Variants in WASF3 observed in about 807,000 individuals in gnomAD.
WASF3 encodes WASP family member 3.
A neutral mutation model predicts 46.6 loss-of-function variants in WASF3; 11 were observed. The observed-to-expected ratio is 0.24, with a 90% confidence interval of 0.15 to 0.39. The LOEUF is 0.39. Among genes scored for constraint, WASF3 ranks in the 10% least tolerant of loss-of-function variants. The pLI, the probability that WASF3 is intolerant of heterozygous loss-of-function variation, is 1.00. For synonymous variants in WASF3, 242 were observed against 259.7 expected (o/e 0.93, Z 0.65); for missense variants, 576 against 669.8 (o/e 0.86, Z 1.55).
chr13:26,566,473 G>T (rs1362582014), intron 1 of WASF3, among the ~76,000 whole-genome samples: 4 of 152,358 alleles, frequency 2.6e-5, no homozygotes, highest in Non-Finnish European at 5.9e-5. Flanking sequence ...CGTGGTCAGT[G>T]TCTTAGACAT....
intron 1 of WASF3, among the ~76,000 whole-genome samples, chr13:26,560,067 C>T (rs1316205720): frequency 1.3e-5 from 2 of 152,004 alleles, no homozygotes; most frequent in Non-Finnish European, 2.9e-5. Flanking sequence ...GATCCGCCCA[C>T]CTCGGCCTCC....
At chr13:26,539,780 C>T in the WASF3 span, among the ~76,000 whole-genome samples, 54 of 152,282 alleles carry the variant, frequency 3.5e-4, 1 homozygote, top group South Asian at 1.0e-2. Flanking sequence ...TGCTTCACAT[C>T]GTGGGCCCAG....
At chr13:26,561,396 G>C (rs1879291032) in intron 1 of WASF3, among the ~76,000 whole-genome samples, 1 of 152,062 alleles carries the variant, frequency 6.6e-6, no homozygotes, top group Non-Finnish European at 1.5e-5. Context: ...TGGCTGGGTG[G>C]TTGGGTGATG....
the WASF3 span, among the ~76,000 whole-genome samples, chr13:26,548,230 CT>C: frequency 6.6e-6 from 1 of 152,174 alleles, no homozygotes; most frequent in Non-Finnish European, 1.5e-5. Flanking sequence ...TTCAAATTTA[CT>C]TTTTCTCCAG....
intron 1 of WASF3, among the ~76,000 whole-genome samples, chr13:26,595,584 T>C (rs967260079): frequency 2.6e-5 from 4 of 152,016 alleles, no homozygotes; most frequent in Non-Finnish European, 4.4e-5. Context: ...TAGATTCGTA[T>C]AACCGCTGCC....
At chr13:26,647,240 A>G (rs1882177689) in intron 3 of WASF3, among the ~76,000 whole-genome samples, 2 of 152,200 alleles carry the variant, frequency 1.3e-5, no homozygotes, top group African/African-American at 4.8e-5. Flanking sequence ...GGTTTGTCCA[A>G]TAATTTTTTT....
At chr13:26,553,887 A>G (rs1436170709), upstream of WASF3, among the ~76,000 whole-genome samples, 4 of 151,908 alleles carry the variant, frequency 2.6e-5, no homozygotes, top group Non-Finnish European at 5.9e-5. Flanking sequence ...GTGTAATTGG[A>G]TAAAGGTATA....
At position 26,651,939 on chromosome 13, in the gene WASF3, A is replaced by T. The variant is rs73168060; in HGVS notation, c.133+9536A>T. 8.9e-3 allele frequency among the ~76,000 whole-genome samples: 1,358 copies of T among 152,326 alleles called. 10 individuals carry two copies. The highest frequency in any genetic ancestry group is 0.017 in the Middle Eastern group (5 of 294). ...ATTTCTAGTAACCATCAAGAATAAC[A>T]TAGATATCAAATGAAATCCTAAAAT... is the stretch of plus-strand genomic sequence containing the variant. On this transcript the variant is annotated intron_variant, in intron 3 of 9. Coordinates refer to ENST00000335327, the MANE Select transcript of WASF3 (RefSeq NM_006646.6).
intron 4 of WASF3, among the ~76,000 whole-genome samples, 168 bp downstream of exon 4, chr13:26,665,330 C>T (rs1375968628): frequency 2.0e-5 from 3 of 152,116 alleles, no homozygotes; most frequent in South Asian, 2.1e-4. Flanking sequence ...TGTTAATTCA[C>T]GATGAAAAGA....
chr13:26,565,151 G>C (rs1488083173), intron 1 of WASF3, among the ~76,000 whole-genome samples: 1 of 145,988 alleles, frequency 6.8e-6, no homozygotes, highest in Non-Finnish European at 1.5e-5. Flanking sequence ...CTGTACTCCA[G>C]CCTGGGCAAA....
At chr13:26,594,135 T>G (rs1880388367) in intron 1 of WASF3, among the ~76,000 whole-genome samples, 1 of 152,214 alleles carries the variant, frequency 6.6e-6, no homozygotes, top group African/African-American at 2.4e-5. Context: ...TCAAAGGGCC[T>G]TTTTCTCCTG....
At chr13:26,659,622 G>A (rs1882565826) in intron 3 of WASF3, among the ~76,000 whole-genome samples, 1 of 152,166 alleles carries the variant, frequency 6.6e-6, no homozygotes, top group South Asian at 2.1e-4. Context: ...GGTTAGGGAG[G>A]TCGAGGTGAG....
chr13:26,675,499 C>T (rs1442985456), intron 6 of WASF3, among the ~76,000 whole-genome samples: 1 of 151,356 alleles, frequency 6.6e-6, no homozygotes, highest in East Asian at 1.9e-4. Context: ...CACACACACA[C>T]ACACACACAC....
chr13:26,557,851 C>G, intron 1 of WASF3, 32 bp downstream of exon 1: 1 of 302,726 alleles, frequency 3.3e-6, no homozygotes, highest in Non-Finnish European at 6.1e-6. Flanking sequence ...CCCGGCTCTC[C>G]GCTGTAGGCT....
chr13:26,646,482 A>G (rs1487252314), intron 3 of WASF3, among the ~76,000 whole-genome samples: 1 of 152,112 alleles, frequency 6.6e-6, no homozygotes, highest in East Asian at 1.9e-4. Context: ...CCAAATGAGA[A>G]TGGATCATCT....
chr13:26,653,218 C>T (rs1036234267), intron 3 of WASF3, among the ~76,000 whole-genome samples: 1 of 152,160 alleles, frequency 6.6e-6, no homozygotes, highest in Non-Finnish European at 1.5e-5. Context: ...CCTCAGGGTG[C>T]TTCCAGGATA....
chr13:26,592,905 A>G (rs763013118), intron 1 of WASF3, among the ~76,000 whole-genome samples: 9 of 152,154 alleles, frequency 5.9e-5, no homozygotes, highest in Non-Finnish European at 1.3e-4. Context: ...TTCTGTAATG[A>G]TACACAACTT....
At position 26,682,046 on chromosome 13, in the gene WASF3, T is replaced by A. The variant is rs981749375; in HGVS notation, c.984-561T>A. On this transcript the variant is annotated intron_variant, in intron 8 of 9. Coordinates refer to ENST00000335327, the MANE Select transcript of WASF3 (RefSeq NM_006646.6). The surrounding 1 kb of genome is among the most constrained non-coding windows in gnomAD (Gnocchi z 4.4). ...GCCAAGTCAGGATCCCCAGAGTGGCTTGAGGCTGTGTCAGGCCAAGAGAGG... is the reference window on the plus strand; with the variant it reads ...GCCAAGTCAGGATCCCCAGAGTGGCATGAGGCTGTGTCAGGCCAAGAGAGG... Among the ~76,000 whole-genome samples, 3 of 152,184 alleles carry A rather than the reference T, an allele frequency of 2.0e-5. No homozygotes were observed. Among genetic ancestry groups the A allele is most frequent in the Non-Finnish European group, 4.4e-5 (3 of 68,034 alleles).
rs970326688 is a variant in WASF3 at position 26,671,214 on chromosome 13, T to C, written c.423-658T>C. Among the ~76,000 whole-genome samples, 7 of 152,360 alleles carry C rather than the reference T, an allele frequency of 4.6e-5. No homozygotes were observed. The East Asian group carries it at 5.8e-4, about 13-fold the overall frequency. ...GGTTTTATGATAAATGAGCTACTTATATGAAGACTTAAAATATTCTTTAGA... is the reference window on the plus strand; with the variant it reads ...GGTTTTATGATAAATGAGCTACTTACATGAAGACTTAAAATATTCTTTAGA... On this transcript the variant is annotated intron_variant, in intron 5 of 9. Coordinates refer to ENST00000335327, the MANE Select transcript of WASF3 (RefSeq NM_006646.6).
Sources: gnomAD v4.1 joint callset for allele counts (sites outside exome capture counted in the v4.1 genomes callset) on GRCh38, gnomAD v4.1.1 for gene constraint, Gnocchi (gnomAD v3.1) non-coding constraint, MANE v1.5 for transcripts, NCBI Gene and HGNC (gene_info 2026-07-23, HGNC 2026-07-21) for gene names.